The following PLD5 variants were observed in gnomAD, a reference collection of about 807,000 sequenced individuals.
The protein encoded by PLD5 is inactive phospholipase D5.
In PLD5, 36 loss-of-function variants were observed where a neutral mutation model predicts 61.1. The ratio of observed to expected loss-of-function variants is 0.59; its 90% CI spans 0.45 to 0.78. PLD5 has a LOEUF of 0.78. PLD5 is among the 30% of genes least tolerant of loss of function. The pLI is 0.00. For missense variants in PLD5, 515 were observed against 644.4 expected (o/e 0.80, Z 2.17); for synonymous variants, 243 against 242.8 (o/e 1.00, Z -0.01).
chr1:242,302,716 C>T (rs550123793), intron 2 of PLD5, among the ~76,000 whole-genome samples: 3 of 152,284 alleles, frequency 2.0e-5, no homozygotes, highest in Admixed American at 2.0e-4. Context: ...AAGACTCTGC[C>T]TGTAAAAAAT....
intron 5 of PLD5, among the ~76,000 whole-genome samples, chr1:242,152,178 T>C (rs191365971): frequency 7.9e-4 from 120 of 152,152 alleles, no homozygotes; most frequent in Admixed American, 1.7e-3. Flanking sequence ...GTTTCTGGGT[T>C]CTAGAGGCTG....
At chr1:242,346,637 CT>C (rs1319256514) in intron 2 of PLD5, among the ~76,000 whole-genome samples, 1 of 152,066 alleles carries the variant, frequency 6.6e-6, no homozygotes, top group Non-Finnish European at 1.5e-5. Flanking sequence ...TATGAAATAC[CT>C]TTTTTTATTT....
At chr1:242,357,367 A>G (rs1393279230) in intron 1 of PLD5, among the ~76,000 whole-genome samples, 5 of 147,588 alleles carry the variant, frequency 3.4e-5, no homozygotes, top group Non-Finnish European at 6.0e-5. Context: ...TTTGTTTTTG[A>G]TTTTTGATAG....
chr1:242,182,612 G>A (rs1667589733), intron 5 of PLD5, among the ~76,000 whole-genome samples: 1 of 152,184 alleles, frequency 6.6e-6, no homozygotes, highest in African/African-American at 2.4e-5. Context: ...GGAGGCCGAG[G>A]CAGGTGGATC....
chr1:242,166,543 T>C (rs970087870), intron 5 of PLD5, among the ~76,000 whole-genome samples: 6 of 152,196 alleles, frequency 3.9e-5, no homozygotes, highest in Non-Finnish European at 8.8e-5. Flanking sequence ...CACAGATGCA[T>C]CATTCGACTC....
At chr1:242,265,192 T>C (rs1258299416) in intron 4 of PLD5, 145 bp downstream of exon 4, 1 of 1,123,342 alleles carries the variant, frequency 8.9e-7, no homozygotes, top group East Asian at 3.3e-5. Flanking sequence ...AAAACTTTAA[T>C]CGAGTTATTT....
intron 5 of PLD5, among the ~76,000 whole-genome samples, chr1:242,214,265 C>T (rs1271995423): frequency 6.6e-6 from 1 of 152,194 alleles, no homozygotes; most frequent in Non-Finnish European, 1.5e-5. Context: ...GGCTTACTAG[C>T]ACTCAGAGAA....
At chr1:242,275,868 T>A (rs932240103) in intron 3 of PLD5, among the ~76,000 whole-genome samples, 5 of 152,160 alleles carry the variant, frequency 3.3e-5, no homozygotes, top group African/African-American at 9.7e-5. Flanking sequence ...TTGGATCTCA[T>A]CTGGAAGACA....
intron 1 of PLD5, among the ~76,000 whole-genome samples, chr1:242,406,543 A>G (rs1008186356): frequency 3.3e-5 from 5 of 152,220 alleles, no homozygotes; most frequent in African/African-American, 1.2e-4. Flanking sequence ...TAAACCAACC[A>G]TCTGTGGTCC....
intron 1 of PLD5, among the ~76,000 whole-genome samples, chr1:242,436,727 T>C (rs1666014298): frequency 6.6e-6 from 1 of 152,232 alleles, no homozygotes; most frequent in Admixed American, 6.5e-5. Flanking sequence ...TGCTTTAAGT[T>C]CTAGTTGGCA....
At chr1:242,399,614 T>C (rs1324113498) in intron 1 of PLD5, among the ~76,000 whole-genome samples, 1 of 150,810 alleles carries the variant, frequency 6.6e-6, no homozygotes, top group African/African-American at 2.4e-5. Context: ...CCTTTGGGCC[T>C]TGGGAGGGAG....
intron 5 of PLD5, among the ~76,000 whole-genome samples, chr1:242,170,964 C>T (rs1666707993): frequency 6.6e-6 from 1 of 152,178 alleles, no homozygotes; most frequent in South Asian, 2.1e-4. Context: ...CTGGAAAACT[C>T]TTTAGGATAT....
In PLD5 at chr1:242,453,069, C is replaced by T. The variant is rs530475120; in HGVS notation, c.189+71019G>A. ...GAATGTTTGTGGCCCCCTCCACATT[C>T]GTATGTTGAAACCTAATCCCCAGCT... On this transcript the variant is annotated intron_variant, in intron 1 of 9. Coordinates refer to ENST00000536534, the MANE Select transcript of PLD5 (RefSeq NM_001372062.1). Among the ~76,000 whole-genome samples the T allele has an allele frequency of 2.7e-4, 41 of 152,308 alleles. No homozygotes were observed. In the South Asian group the frequency reaches 8.1e-3, roughly 30 times the overall value.
chr1:242,333,726 C>T (rs775803796), intron 2 of PLD5, among the ~76,000 whole-genome samples: 2 of 152,114 alleles, frequency 1.3e-5, no homozygotes, highest in African/African-American at 4.8e-5. Context: ...ATTTTAGTTC[C>T]CACATATGAG....
intron 4 of PLD5, among the ~76,000 whole-genome samples, chr1:242,260,594 G>C (rs918812293): frequency 6.6e-6 from 1 of 152,034 alleles, no homozygotes; most frequent in African/African-American, 2.4e-5. Flanking sequence ...AAACAAAAAT[G>C]AAAAGCTGTA....
chr1:242,210,733 C>G (rs1184061650), intron 5 of PLD5: 2 of 152,130 alleles, frequency 1.3e-5, no homozygotes, highest in African/African-American at 4.8e-5. Context: ...CTACCCAAAT[C>G]TTATAAAATG....
chr1:242,224,045 C>T (rs1670774100), intron 4 of PLD5, among the ~76,000 whole-genome samples: 1 of 152,108 alleles, frequency 6.6e-6, no homozygotes. Flanking sequence ...AAATATAATG[C>T]TGTCTGACTA....
At chr1:242,217,695 G>A (rs1475314314) in intron 5 of PLD5, among the ~76,000 whole-genome samples, 40 of 152,320 alleles carry the variant, frequency 2.6e-4, no homozygotes, top group Non-Finnish European at 1.5e-5. Flanking sequence ...GGAAGGAGTA[G>A]ATTCTAACCC....
chr1:242,415,670 G>T (rs1378348990), intron 1 of PLD5, among the ~76,000 whole-genome samples: 1 of 151,714 alleles, frequency 6.6e-6, no homozygotes, highest in Non-Finnish European at 1.5e-5. Context: ...CCGCCACCAC[G>T]CCCGGCCAAA....
Sources: allele counts gnomAD v4.1 joint callset (sites outside exome capture counted in the v4.1 genomes callset), GRCh38; gene constraint gnomAD v4.1.1; transcripts MANE v1.5; gene names NCBI Gene and HGNC (gene_info 2026-07-23, HGNC 2026-07-21).